The following SEMA6D variants were observed in gnomAD, a reference collection of about 807,000 sequenced individuals.
The protein encoded by SEMA6D is semaphorin-6D.
SEMA6D carries 35 observed loss-of-function variants against 106.6 expected under a neutral mutation model. The ratio of observed to expected loss-of-function variants is 0.33; its 90% CI spans 0.25 to 0.44. The LOEUF (loss-of-function observed/expected upper bound fraction) is 0.44. Among genes scored for constraint, SEMA6D ranks in the 20% least tolerant of loss-of-function variants. SEMA6D has a pLI of 1.00. For missense variants in SEMA6D, 1,185 were observed against 1,345.9 expected (o/e 0.88, Z 1.87); for synonymous variants, 499 against 487.7 (o/e 1.02, Z -0.31).
upstream of SEMA6D, among the ~76,000 whole-genome samples, chr15:47,712,666 T>G (rs1219474993): frequency 6.6e-6 from 1 of 152,254 alleles, no homozygotes; most frequent in East Asian, 1.9e-4. Context: ...GTAAATAAAC[T>G]TTTAATTTCT....
At chr15:47,462,879 T>C (rs142031662) in intron 2 of SEMA6D, among the ~76,000 whole-genome samples, 5 of 152,252 alleles carry the variant, frequency 3.3e-5, no homozygotes, top group African/African-American at 1.2e-4. Context: ...ACCCAGCCTT[T>C]ATGGCTCTGT....
chr15:47,238,752 C>G (rs866057467), intron 1 of SEMA6D, among the ~76,000 whole-genome samples: 2 of 152,036 alleles, frequency 1.3e-5, no homozygotes, highest in South Asian at 2.1e-4. Context: ...TAGGCTGGGA[C>G]CAGTGGAAAT....
chr15:47,764,457 A>G (rs887481577), intron 11 of SEMA6D, 152 bp downstream of exon 11: 50 of 1,258,552 alleles, frequency 4.0e-5, no homozygotes, highest in Non-Finnish European at 5.3e-5. Flanking sequence ...TGTGACCTGC[A>G]AGCCCATGAG....
intron 3 of SEMA6D, among the ~76,000 whole-genome samples, chr15:47,516,415 C>A (rs929009232): frequency 6.6e-6 from 1 of 152,164 alleles, no homozygotes; most frequent in Non-Finnish European, 1.5e-5. Flanking sequence ...AGTGACTAGT[C>A]AACTTACTTT....
At chr15:47,262,744 A>G (rs1178662445) in intron 1 of SEMA6D, among the ~76,000 whole-genome samples, 2 of 152,112 alleles carry the variant, frequency 1.3e-5, no homozygotes, top group African/African-American at 2.4e-5. Context: ...AGCCAAGACA[A>G]TCCTAAGCAA....
At chr15:47,464,915 A>G (rs2042614403) in intron 2 of SEMA6D, among the ~76,000 whole-genome samples, 1 of 152,004 alleles carries the variant, frequency 6.6e-6, no homozygotes, top group Non-Finnish European at 1.5e-5. Context: ...CTATTAAGAG[A>G]CTCTTAAGTT....
intron 1 of SEMA6D, among the ~76,000 whole-genome samples, chr15:47,372,774 A>G (rs952329301): frequency 6.6e-6 from 1 of 152,216 alleles, no homozygotes; most frequent in Non-Finnish European, 1.5e-5. Context: ...CCTCCAGGAT[A>G]CTTATAAATG....
At chr15:47,658,056 C>A (rs1348364409) in intron 4 of SEMA6D, among the ~76,000 whole-genome samples, 3 of 151,958 alleles carry the variant, frequency 2.0e-5, no homozygotes, top group African/African-American at 7.3e-5. Context: ...CATTTCTTTA[C>A]CCTTACTTTA....
At chr15:47,571,195 T>C (rs1292112267) in intron 3 of SEMA6D, among the ~76,000 whole-genome samples, 1 of 152,102 alleles carries the variant, frequency 6.6e-6, no homozygotes, top group Admixed American at 6.6e-5. Context: ...GAATTACTCT[T>C]CGGCCCACTT....
intron 2 of SEMA6D, among the ~76,000 whole-genome samples, chr15:47,418,620 A>G (rs570607867): frequency 9.2e-5 from 14 of 152,152 alleles, no homozygotes; most frequent in African/African-American, 3.4e-4. Flanking sequence ...ACCATCACCT[A>G]AAGGGTTAGG....
intron 1 of SEMA6D, among the ~76,000 whole-genome samples, chr15:47,344,747 A>G (rs974170505): frequency 6.6e-6 from 1 of 152,228 alleles, no homozygotes; most frequent in Non-Finnish European, 1.5e-5. Context: ...AGAAAAGGTC[A>G]TCTTGGAAGG....
chr15:47,647,124 G>T (rs915753880), intron 4 of SEMA6D, among the ~76,000 whole-genome samples: 4 of 152,176 alleles, frequency 2.6e-5, no homozygotes, highest in Admixed American at 2.6e-4. Context: ...AAGCAACATA[G>T]TTTGGCTATG....
chr15:47,386,672 AT>A (rs2039849486), intron 1 of SEMA6D, among the ~76,000 whole-genome samples: 1 of 152,134 alleles, frequency 6.6e-6, no homozygotes, highest in African/African-American at 2.4e-5. Flanking sequence ...GCAGTTACCT[AT>A]GGGAAGTGTG....
chr15:47,593,513 G>A (rs778795107), intron 3 of SEMA6D, among the ~76,000 whole-genome samples: 4 of 149,278 alleles, frequency 2.7e-5, no homozygotes, highest in Non-Finnish European at 5.9e-5. Context: ...GGGTTTGGAC[G>A]ATTGCCTGAA....
chr15:47,432,075 T>C (rs281238), intron 2 of SEMA6D, among the ~76,000 whole-genome samples: 85,456 of 151,770 alleles, frequency 0.56, 24,292 homozygotes, highest in South Asian at 0.64. Flanking sequence ...GGCACTGAGA[T>C]CTAAAAAGAT....
At position 47,756,895 on chromosome 15, in the gene SEMA6D, AATT is replaced by A. The variant is rs1406548613; in HGVS notation, c.-54-2849_-54-2847del. On this transcript the variant is annotated intron_variant, in intron 1 of 18. Coordinates refer to ENST00000536845, the MANE Select transcript of SEMA6D (RefSeq NM_001358351.3). ...TAACTACTATGGCAAGTCTGAATGT[AATT>A]TTTTTTTTTTTTTTTTTCAGAAATA... 2.8e-4 allele frequency among the ~76,000 whole-genome samples: 29 copies of A among 105,402 alleles called. 1 individual carries two copies. The Middle Eastern group carries it at 0.014, about 51-fold the overall frequency. 69.1% of individuals were successfully genotyped at this position (105,402 alleles called of 152,430 possible).
intron 1 of SEMA6D, among the ~76,000 whole-genome samples, chr15:47,754,130 G>A (rs1056962447): frequency 6.6e-6 from 1 of 152,134 alleles, no homozygotes; most frequent in African/African-American, 2.4e-5. Context: ...GATGGCTCAT[G>A]GCTGTAATCC....
chr15:47,584,023 A>G (rs76611601), intron 3 of SEMA6D, among the ~76,000 whole-genome samples: 1 of 152,280 alleles, frequency 6.6e-6, no homozygotes, highest in African/African-American at 2.4e-5. Context: ...ACACTTCATT[A>G]TCACCTGCCC....
At chr15:47,367,690 G>GCACA (rs1211649920) in intron 1 of SEMA6D, among the ~76,000 whole-genome samples, 7 of 43,552 alleles carry the variant, frequency 1.6e-4, no homozygotes, top group African/African-American at 6.0e-4. Context: ...GCGCGCGCGC[G>GCACA]CGCACACACA....
Sources: allele counts gnomAD v4.1 joint callset (sites outside exome capture counted in the v4.1 genomes callset), GRCh38; gene constraint gnomAD v4.1.1; transcripts MANE v1.5; gene names NCBI Gene and HGNC (gene_info 2026-07-23, HGNC 2026-07-21).